The following BOLL variants were observed in gnomAD, a reference collection of about 807,000 sequenced individuals.
The protein encoded by BOLL is protein boule-like.
Under a neutral mutation model 44.4 loss-of-function variants are expected in BOLL, and 23 were observed. The observed-to-expected ratio is 0.52, with a 90% confidence interval of 0.37 to 0.73. The LOEUF (loss-of-function observed/expected upper bound fraction) is 0.73, where lower values mean the gene tolerates loss of function less well. Ranked by LOEUF, BOLL falls within the 30% of genes least tolerant of loss-of-function variation. BOLL has a pLI of 0.00. For synonymous variants in BOLL, 97 were observed against 110.8 expected (o/e 0.88, Z 0.78); for missense variants, 287 against 338.3 (o/e 0.85, Z 1.19).
intron 7 of BOLL, among the ~76,000 whole-genome samples, chr2:197,763,305 AC>A (rs1475801578): frequency 6.6e-6 from 1 of 152,010 alleles, no homozygotes; most frequent in African/African-American, 2.4e-5. Context: ...ACAGGGTGAA[AC>A]CCCGTCTCTA....
intron 10 of BOLL, among the ~76,000 whole-genome samples, chr2:197,729,117 T>A (rs3931831): frequency 0.22 from 33,290 of 152,014 alleles, 3,757 homozygotes; most frequent in East Asian, 0.27. Context: ...AGTGGGTGCG[T>A]GCACCGTGCG....
At chr2:197,771,502 A>T (rs898715030) in intron 6 of BOLL, among the ~76,000 whole-genome samples, 3 of 152,164 alleles carry the variant, frequency 2.0e-5, no homozygotes, top group African/African-American at 7.2e-5. Flanking sequence ...ATATAAAAAA[A>T]AGAAATGCAA....
At chr2:197,783,996 G>T (rs184372280) in intron 1 of BOLL, among the ~76,000 whole-genome samples, 130 of 152,114 alleles carry the variant, frequency 8.5e-4, no homozygotes, top group African/African-American at 3.0e-3. Flanking sequence ...TGAAATGAAC[G>T]GAAGTAAACA....
At chr2:197,741,046 C>T (rs1000305510) in intron 10 of BOLL, among the ~76,000 whole-genome samples, 3 of 152,088 alleles carry the variant, frequency 2.0e-5, no homozygotes, top group Non-Finnish European at 4.4e-5. Flanking sequence ...ATGGGGATGG[C>T]ATTGAATCTA....
chr2:197,733,876 C>G (rs1687339167), intron 10 of BOLL, among the ~76,000 whole-genome samples: 1 of 152,090 alleles, frequency 6.6e-6, no homozygotes. Flanking sequence ...AAAACCTAGG[C>G]AATACCATTC....
intron 9 of BOLL, among the ~76,000 whole-genome samples, chr2:197,748,974 C>T (rs1454354662): frequency 6.6e-6 from 1 of 152,246 alleles, no homozygotes; most frequent in African/African-American, 2.4e-5. Flanking sequence ...ACAGACACCT[C>T]ATACAGGAGA....
chr2:197,734,436 C>T (rs1270260098), intron 10 of BOLL, among the ~76,000 whole-genome samples: 1 of 152,116 alleles, frequency 6.6e-6, no homozygotes, highest in Non-Finnish European at 1.5e-5. Context: ...CTAGAAATAC[C>T]ATTTGACCCA....
rs1207587819 is a variant in BOLL, at chr2:197,743,166, C to T, written c.730-7G>A. On this transcript the variant is annotated splice_region_variant and splice_polypyrimidine_tract_variant and intron_variant, in intron 9 of 10. Transcript: ENST00000392296. ...CTCCATGATCAGAATAAGGCTATTA[C>T]AAAAAAAGAGAGAAAAAATGTCACC... 3.9e-6 allele frequency: 6 copies of T among 1,557,532 alleles called. No homozygotes were observed. The highest frequency in any genetic ancestry group is 5.2e-6 in the Non-Finnish European group (6 of 1,151,754).
intron 4 of BOLL, 21 bp from the exon 5 acceptor site, chr2:197,775,761 ATTATT>A (rs777594094): frequency 1.5e-6 from 2 of 1,319,186 alleles, no homozygotes; most frequent in East Asian, 5.1e-5. Context: ...GAAAAAAGAA[ATTATT>A]TTATTATTTT....
chr2:197,774,597 A>T (rs1200689216), intron 5 of BOLL: 1 of 151,964 alleles, frequency 6.6e-6, no homozygotes, highest in African/African-American at 2.4e-5. Context: ...CAACTGGTAG[A>T]TCATACTATG....
At chr2:197,757,440 A>G (rs1365520636) in intron 7 of BOLL, 40 bp from the exon 8 acceptor site, 2 of 1,570,086 alleles carry the variant, frequency 1.3e-6, no homozygotes, top group African/African-American at 2.7e-5. Flanking sequence ...CATTCTGATT[A>G]TAAACAAGGG....
chr2:197,742,920 C>T, intron 10 of BOLL, 141 bp downstream of exon 10: 1 of 442,414 alleles, frequency 2.3e-6, no homozygotes, highest in South Asian at 9.6e-5. Flanking sequence ...ATATTTCCTT[C>T]ACATGAGTTT....
At chr2:197,752,606 GGACCTC>G (rs1688313771) in intron 9 of BOLL, among the ~76,000 whole-genome samples, 1 of 152,142 alleles carries the variant, frequency 6.6e-6, no homozygotes, top group Non-Finnish European at 1.5e-5. Context: ...GGGATGTGAA[GGACCTC>G]TTCAAGGAGA....
At chr2:197,743,717 T>G (rs77706948) in intron 9 of BOLL, among the ~76,000 whole-genome samples, 24,736 of 152,190 alleles carry the variant, frequency 0.16, 2,291 homozygotes, top group East Asian at 0.27. Flanking sequence ...ATGGTAGAAT[T>G]AATTTTTAGT....
chr2:197,759,754 C>A (rs1210343836), intron 7 of BOLL, among the ~76,000 whole-genome samples: 2 of 152,204 alleles, frequency 1.3e-5, no homozygotes, highest in African/African-American at 4.8e-5. Context: ...GCTGGTCAAA[C>A]TGCTGCACTC....
chr2:197,785,376 G>A (rs1690029571), upstream of BOLL: 4 of 986,100 alleles, frequency 4.1e-6, no homozygotes, highest in Non-Finnish European at 4.8e-6. This position sits in a 1 kb window ranked among gnomAD's most constrained non-coding sequence, Gnocchi z 6.7. Flanking sequence ...GACGGGGCGG[G>A]GCGGGATGGC....
intron 10 of BOLL, among the ~76,000 whole-genome samples, chr2:197,732,188 G>A (rs1196707977): frequency 4.7e-5 from 7 of 150,534 alleles, no homozygotes; most frequent in Admixed American, 4.0e-4. Context: ...ACACCTCTAC[G>A]CAAATAAACT....
chr2:197,729,194 G>T (rs961917083), intron 10 of BOLL, among the ~76,000 whole-genome samples: 2 of 152,322 alleles, frequency 1.3e-5, no homozygotes, highest in African/African-American at 4.8e-5. Flanking sequence ...TTCCCTTTCT[G>T]AGTCAAAGAA....
At chr2:197,780,657 C>A (rs1288220243) in intron 2 of BOLL, among the ~76,000 whole-genome samples, 1 of 151,760 alleles carries the variant, frequency 6.6e-6, no homozygotes, top group Non-Finnish European at 1.5e-5. Context: ...ATTGTTTTGG[C>A]AAATACACTA....
Sources: gnomAD v4.1 joint callset for allele counts (sites outside exome capture counted in the v4.1 genomes callset) on GRCh38, gnomAD v4.1.1 for gene constraint, Gnocchi (gnomAD v3.1) non-coding constraint, MANE v1.5 for transcripts, NCBI Gene and HGNC (gene_info 2026-07-23, HGNC 2026-07-21) for gene names.